LIMD1: variants seen among roughly 807,000 people sequenced by gnomAD.
LIMD1 encodes the protein LIM domain containing 1, also known as LIM domain-containing protein 1.
Under a neutral mutation model 58.4 loss-of-function variants are expected in LIMD1, and 23 were observed. The ratio of observed to expected loss-of-function variants is 0.39; its 90% CI spans 0.28 to 0.56. The LOEUF (loss-of-function observed/expected upper bound fraction) is 0.56. Ranked by LOEUF, LIMD1 falls within the 20% of genes least tolerant of loss-of-function variation. LIMD1 has a pLI of 0.57. For synonymous variants in LIMD1, 334 were observed against 345.5 expected, an observed-to-expected ratio of 0.97 and a Z score of 0.37; for missense variants, 838 against 855.5, an observed-to-expected ratio of 0.98 and a Z score of 0.25.
At chr3:45,637,643 A>C (rs913292252) in intron 2 of LIMD1, among the ~76,000 whole-genome samples, 4 of 152,128 alleles carry the variant, frequency 2.6e-5, no homozygotes, top group African/African-American at 9.7e-5. Flanking sequence ...AGGGCTGACT[A>C]CCATTGGTTT....
chr3:45,600,598 G>A (rs572408467), intron 1 of LIMD1, among the ~76,000 whole-genome samples: 16 of 152,224 alleles, frequency 1.1e-4, no homozygotes, highest in African/African-American at 2.4e-4. Flanking sequence ...TCTTCTAGGC[G>A]TTGCTCCTGG....
chr3:45,665,732 G>A lies in LIMD1; in HGVS notation c.1578+15G>A, dbSNP rs377739290. 2.4e-5 allele frequency: 39 copies of A among 1,611,022 alleles called. No individual in the cohort carries two copies. Among genetic ancestry groups the A allele is most frequent in the Non-Finnish European group, 3.0e-5 (35 of 1,177,440 alleles). The stretch of plus-strand genomic sequence containing the variant: ...AAGACTTCCTGGTGAGTGTGTCACC[G>A]AAGCCTCCCCTTGCATGTCCTGGCC... On this transcript the variant is annotated intron_variant, in intron 3 of 7. Coordinates refer to ENST00000273317, the MANE Select transcript of LIMD1 (RefSeq NM_014240.3).
intron 2 of LIMD1, among the ~76,000 whole-genome samples, chr3:45,656,896 T>C (rs1019975449): frequency 1.3e-5 from 2 of 152,224 alleles, no homozygotes; most frequent in African/African-American, 4.8e-5. Context: ...CCTCCAGGGC[T>C]GGCTGGCTTG....
chr3:45,599,599 C>G (rs543822531), intron 1 of LIMD1, among the ~76,000 whole-genome samples: 4 of 152,310 alleles, frequency 2.6e-5, no homozygotes, highest in South Asian at 2.1e-4. Flanking sequence ...GGCAGTGGCT[C>G]TACATCAGCA....
chr3:45,620,852 A>G (rs953343737), intron 1 of LIMD1, among the ~76,000 whole-genome samples: 2 of 152,258 alleles, frequency 1.3e-5, no homozygotes, highest in Admixed American at 6.5e-5. Context: ...GTAATTTTAC[A>G]GTGGAGAAAT....
Position 45,667,545 on chromosome 3 carries a change from G to C in LIMD1, c.1579-749G>C, listed in dbSNP as rs537842410. ...GTAATACCCAAACTTCTAGTCTAGCGTGTAGCATCTAGTATGTTTTTTGAA... is the reference window on the plus strand; with the variant it reads ...GTAATACCCAAACTTCTAGTCTAGCCTGTAGCATCTAGTATGTTTTTTGAA... On this transcript the variant is annotated intron_variant, in intron 3 of 7. Transcript: ENST00000273317. Among the ~76,000 whole-genome samples the C allele has an allele frequency of 1.6e-4, 24 of 150,122 alleles. No individual in the cohort carries two copies. In the South Asian group the frequency reaches 5.0e-3, roughly 31 times the overall value.
chr3:45,617,564 T>C (rs1279326071), intron 1 of LIMD1, among the ~76,000 whole-genome samples: 1 of 152,166 alleles, frequency 6.6e-6, no homozygotes, highest in African/African-American at 2.4e-5. Flanking sequence ...TTTCTCCTCC[T>C]CCCAGCAGCC....
intron 1 of LIMD1, among the ~76,000 whole-genome samples, chr3:45,607,142 T>G (rs1701475452): frequency 2.6e-5 from 4 of 152,206 alleles, no homozygotes; most frequent in African/African-American, 9.7e-5. Context: ...TCCAGCAAAC[T>G]GAACAGAAAC....
chr3:45,614,869 T>C (rs1701562087), intron 1 of LIMD1, among the ~76,000 whole-genome samples: 1 of 150,816 alleles, frequency 6.6e-6, no homozygotes, highest in Admixed American at 6.6e-5. Flanking sequence ...ATCATCCTAC[T>C]CTAGGGATAA....
intron 2 of LIMD1, among the ~76,000 whole-genome samples, chr3:45,655,487 A>G (rs1294602768): frequency 6.6e-6 from 1 of 152,186 alleles, no homozygotes; most frequent in Non-Finnish European, 1.5e-5. Flanking sequence ...TTTTTGACCA[A>G]GATGAACAGC....
Position 45,609,963 on chromosome 3 carries a change from G to A in LIMD1, c.1408+13676G>A, listed in dbSNP as rs562118556. Among the ~76,000 whole-genome samples, 51 of 152,298 alleles carry A rather than the reference G, an allele frequency of 3.3e-4. 1 individual carries two copies. In the South Asian group the frequency reaches 0.01, roughly 31 times the overall value. On this transcript the variant is annotated intron_variant, in intron 1 of 7. Coordinates refer to ENST00000273317, the MANE Select transcript of LIMD1 (RefSeq NM_014240.3). ...AATCCCAGCACTTTGGGAGGCCGAG[G>A]TGGGCAGATCACAAGGTCAGGAGAT...
intron 2 of LIMD1, among the ~76,000 whole-genome samples, chr3:45,649,138 T>A (rs1190085229): frequency 1.3e-5 from 2 of 152,174 alleles, no homozygotes; most frequent in African/African-American, 4.8e-5. Context: ...CAAAGATTCA[T>A]GTCCATGTTT....
At chr3:45,625,965 A>G (rs564102893) in intron 1 of LIMD1, among the ~76,000 whole-genome samples, 12 of 152,316 alleles carry the variant, frequency 7.9e-5, no homozygotes, top group African/African-American at 2.9e-4. Flanking sequence ...TATTTGTTTG[A>G]CTAATATGAG....
At chr3:45,605,152 A>G (rs1221524458) in intron 1 of LIMD1, among the ~76,000 whole-genome samples, 1 of 152,198 alleles carries the variant, frequency 6.6e-6, no homozygotes, top group East Asian at 1.9e-4. Flanking sequence ...ATGACCTCTC[A>G]GGGTCCTTCC....
chr3:45,663,822 C>G (rs1697474950), intron 2 of LIMD1, among the ~76,000 whole-genome samples: 1 of 150,268 alleles, frequency 6.7e-6, no homozygotes, highest in Non-Finnish European at 1.5e-5. Context: ...TCAAGTGATT[C>G]TTCTGCCTCA....
At chr3:45,636,970 G>T (rs1352576395) in intron 2 of LIMD1, among the ~76,000 whole-genome samples, 2 of 152,184 alleles carry the variant, frequency 1.3e-5, no homozygotes, top group Non-Finnish European at 2.9e-5. Context: ...ATTTTGAGGA[G>T]TATTTTTGGA....
intron 1 of LIMD1, among the ~76,000 whole-genome samples, chr3:45,634,442 C>A (rs1701766881): frequency 1.3e-5 from 2 of 152,188 alleles, no homozygotes; most frequent in South Asian, 4.1e-4. Context: ...TCACAGAGCC[C>A]ATGTGAGATC....
At chr3:45,635,761 G>A (rs898967991) in intron 1 of LIMD1, 122 of 161,794 alleles carry the variant, frequency 7.5e-4, no homozygotes, top group East Asian at 7.2e-3. Context: ...AAAAAAAAAA[G>A]GGAGGAAAAA....
intron 2 of LIMD1, among the ~76,000 whole-genome samples, chr3:45,656,494 TAGTA>T (rs1390408191): frequency 4.6e-5 from 7 of 151,404 alleles, no homozygotes; most frequent in African/African-American, 9.7e-5. Flanking sequence ...AACCGTAATA[TAGTA>T]AGTGAGTTTC....
Sources: allele counts gnomAD v4.1 joint callset (sites outside exome capture counted in the v4.1 genomes callset), GRCh38; gene constraint gnomAD v4.1.1; transcripts MANE v1.5; gene names NCBI Gene and HGNC (gene_info 2026-07-23, HGNC 2026-07-21).